The following SYNE3 variants were observed in gnomAD, a reference collection of about 807,000 sequenced individuals.
SYNE3 encodes nesprin-3.
Under a neutral mutation model 111.2 loss-of-function variants are expected in SYNE3, and 100 were observed. The observed-to-expected ratio is 0.90, with a 90% CI of 0.77 to 1.06. SYNE3 has a LOEUF of 1.06. Ranked by LOEUF, SYNE3 falls within the 50% of genes least tolerant of loss-of-function variation. The probability of loss-of-function intolerance (pLI) is 0.00; values close to 1 mark genes in which losing one functional copy is unlikely to be tolerated. For synonymous variants in SYNE3, 547 were observed against 533.9 expected (o/e 1.02, Z -0.34); for missense variants, 1,160 against 1,240.3 (o/e 0.94, Z 0.97).
chr14:95,510,313 G>A (rs1278274304), intron 1 of SYNE3, among the ~76,000 whole-genome samples: 1 of 152,114 alleles, frequency 6.6e-6, no homozygotes, highest in Non-Finnish European at 1.5e-5. Context: ...TGAGACCTGG[G>A]CCCAGGTCTC....
chr14:95,475,485 C>T (rs913736116), intron 2 of SYNE3, among the ~76,000 whole-genome samples, 193 bp downstream of exon 2: 2 of 152,352 alleles, frequency 1.3e-5, no homozygotes, highest in East Asian at 3.9e-4. Context: ...AGCAAAGTCT[C>T]GGACTTCACC....
In SYNE3 at chr14:95,423,977, G is replaced by GATGGGGATTTGATGGGA. The variant is rs1566955215; in HGVS notation, c.2728-5952_2728-5951insTCCCATCAAATCCCCAT. ...TTGATGGGGATGGGGATTTGATGGG[G>GATGGGGATTTGATGGGA]ATGGGGATTTGATGGGCATGGGAGG... On this transcript the variant is annotated intron_variant, in intron 17 of 17. Coordinates refer to ENST00000682763, the MANE Select transcript of SYNE3 (RefSeq NM_152592.6). Among the ~76,000 whole-genome samples, 612 of 120,544 alleles carry GATGGGGATTTGATGGGA rather than the reference G, an allele frequency of 5.1e-3. 39 individuals carry two copies. The highest frequency in any genetic ancestry group is 0.01 in the African/African-American group (309 of 29,834). The allele number at this position is 120,544 out of a possible 152,430, so 79.1% of individuals were successfully genotyped here.
intron 1 of SYNE3, among the ~76,000 whole-genome samples, chr14:95,510,118 G>A (rs1367893365): frequency 6.6e-6 from 1 of 152,170 alleles, no homozygotes; most frequent in East Asian, 1.9e-4. Flanking sequence ...GCATGTACAT[G>A]AGCGTTTGTT....
chr14:95,509,078 G>A (rs179157), intron 1 of SYNE3, among the ~76,000 whole-genome samples: 49,815 of 152,134 alleles, frequency 0.33, 8,390 homozygotes, highest in Admixed American at 0.41. Flanking sequence ...AGCCCTCAAG[G>A]CGGGCACAGG....
Position 95,436,913 on chromosome 14 carries a change from C to T in SYNE3, c.2445G>A (p.Gln815=). 15 of 1,614,228 alleles carry T rather than the reference C, an allele frequency of 9.3e-6. No homozygotes were observed. Among genetic ancestry groups the T allele is most frequent in the Non-Finnish European group, 9.3e-6 (11 of 1,180,036 alleles). The change falls in exon 15 of 18, where the codon CAG becomes CAA. Residue 815 remains glutamine, a synonymous_variant. Coordinates refer to ENST00000682763, the MANE Select transcript of SYNE3 (RefSeq NM_152592.6). ...GCTTGGAGTTTTCCACCTGCAACCA[C>T]TGCCCAAAGTTCCTCAGGAGCTGGG... The part of the protein sequence containing the change: ...DFSQLLRNFG[Q]WLQVENSKLV...
chr14:95,464,624 AC>A (rs1295941350), intron 4 of SYNE3, among the ~76,000 whole-genome samples: 2 of 151,724 alleles, frequency 1.3e-5, no homozygotes, highest in Non-Finnish European at 3.0e-5. Context: ...TGATCTGGGA[AC>A]CCCCAAGCCA....
chr14:95,486,074 C>T (rs942089947), intron 1 of SYNE3, among the ~76,000 whole-genome samples: 6 of 152,108 alleles, frequency 3.9e-5, no homozygotes, highest in East Asian at 3.9e-4. Context: ...CCTGGGAAAG[C>T]GGCCCTTCCC....
Position 95,418,019 on chromosome 14 carries a change from CGCCGA to C in SYNE3, c.2730_2734del (p.Arg911ValfsTer85), listed in dbSNP as rs1566952350. The stretch of plus-strand genomic sequence containing the variant: ...GAAGAGGGAGCCCAGTCCTCGCCAC[CGCCGA>C]GTCTGCGGAACCAACACAGCACAGG... On this transcript the variant is annotated frameshift_variant and splice_region_variant, in exon 18 of 18. Transcript: ENST00000682763. LOFTEE classifies it low-confidence loss of function (END_TRUNC). 6.2e-7 allele frequency: 1 copy of C among 1,609,328 alleles called. No individual in the cohort carries two copies.
Position 95,415,612 on chromosome 14 carries a change from G to T in SYNE3, c.*2214C>A, listed in dbSNP as rs893734068. 8 of 151,870 alleles carry T rather than the reference G, an allele frequency of 5.3e-5. No individual in the cohort carries two copies. The highest frequency in any genetic ancestry group is 1.0e-4 in the Non-Finnish European group (7 of 67,990). 9.4% of individuals were successfully genotyped at this position (151,870 alleles called of 1,614,324 possible). ...AGGGAAGGAACTTGATGGAAGGATG[G>T]AGAGTCTACAGGGCTTGTTTTCCAA... On this transcript the variant is annotated 3_prime_UTR_variant, in exon 18 of 18. Coordinates refer to ENST00000682763, the MANE Select transcript of SYNE3 (RefSeq NM_152592.6).
intron 6 of SYNE3, among the ~76,000 whole-genome samples, chr14:95,453,488 CAGA>C (rs1204439766): frequency 6.6e-6 from 1 of 152,210 alleles, no homozygotes; most frequent in Non-Finnish European, 1.5e-5. Flanking sequence ...ACTATGTAGG[CAGA>C]AGGACACAGA....
At position 95,416,905 on chromosome 14, in the gene SYNE3, C is replaced by G. The variant is rs1903598648; in HGVS notation, c.*921G>C. 1 of 152,244 alleles carries G rather than the reference C, an allele frequency of 6.6e-6. No individual in the cohort carries two copies. Among genetic ancestry groups the G allele is most frequent in the Non-Finnish European group, 1.5e-5 (1 of 68,060 alleles). The allele number at this position is 152,244 out of a possible 1,614,324, so 9.4% of individuals were successfully genotyped here. On this transcript the variant is annotated 3_prime_UTR_variant, in exon 18 of 18. Coordinates refer to ENST00000682763, the MANE Select transcript of SYNE3 (RefSeq NM_152592.6). ...GAAACACATCTTTCCTGGGCACTGC[C>G]AGTGGGTGCTGCCCACCGAGTGTGC...
chr14:95,418,195 A>G (rs2139332594), intron 17 of SYNE3, among the ~76,000 whole-genome samples, 169 bp from the exon 18 acceptor site: 1 of 152,350 alleles, frequency 6.6e-6, no homozygotes, highest in African/African-American at 2.4e-5. Flanking sequence ...AAGTTTTAAC[A>G]GAAACAGGGT....
Position 95,455,807 on chromosome 14 carries a change from G to A in SYNE3, c.790-83C>T, listed in dbSNP as rs1887399671. 2.2e-6 allele frequency: 3 copies of A among 1,391,630 alleles called. No homozygotes were observed. The South Asian group carries it at 3.8e-5, about 18-fold the overall frequency. 86.2% of individuals were successfully genotyped at this position (1,391,630 alleles called of 1,614,324 possible). On this transcript the variant is annotated intron_variant, in intron 5 of 17. Coordinates refer to ENST00000682763, the MANE Select transcript of SYNE3 (RefSeq NM_152592.6). ...CATTTTCCAGAGCAGACCTGGGACTGCCCTGCAAAACACTGATTCCTGGAG... is the reference window on the plus strand; with the variant it reads ...CATTTTCCAGAGCAGACCTGGGACTACCCTGCAAAACACTGATTCCTGGAG...
intron 1 of SYNE3, among the ~76,000 whole-genome samples, chr14:95,507,990 A>T (rs1309418841): frequency 6.6e-6 from 1 of 152,214 alleles, no homozygotes; most frequent in Non-Finnish European, 1.5e-5. Context: ...TGGCAGTGTG[A>T]GAGCCACTGG....
intron 17 of SYNE3, among the ~76,000 whole-genome samples, chr14:95,418,814 A>T (rs902942769): frequency 6.6e-6 from 1 of 152,070 alleles, no homozygotes; most frequent in Admixed American, 6.6e-5. Flanking sequence ...CATGTTGGCC[A>T]TGCTGGTCTT....
At chr14:95,478,576 C>A (rs1022406542) in intron 1 of SYNE3, among the ~76,000 whole-genome samples, 1 of 152,212 alleles carries the variant, frequency 6.6e-6, no homozygotes, top group South Asian at 2.1e-4. Context: ...GGTAAGCCAG[C>A]CTCCCACAGC....
intron 14 of SYNE3, 44 bp downstream of exon 14, chr14:95,438,989 T>C (rs773168780): frequency 6.2e-6 from 10 of 1,609,446 alleles, no homozygotes; most frequent in Admixed American, 1.7e-5. Flanking sequence ...CCTCTTGACC[T>C]GGGGCCTGGC....
intron 1 of SYNE3, among the ~76,000 whole-genome samples, chr14:95,494,982 G>C (rs1167718517): frequency 6.6e-6 from 1 of 152,068 alleles, no homozygotes; most frequent in East Asian, 1.9e-4. Flanking sequence ...CGTGGTGGCA[G>C]GCACCTGTAA....
intron 7 of SYNE3, chr14:95,451,572 T>C (rs1887081929): frequency 6.6e-6 from 1 of 152,096 alleles, no homozygotes; most frequent in Non-Finnish European, 1.5e-5. Flanking sequence ...GTTTTATAGA[T>C]GTAGGCCTGA....
Sources: gnomAD v4.1 joint callset for allele counts (sites outside exome capture counted in the v4.1 genomes callset) on GRCh38, gnomAD v4.1.1 for gene constraint, MANE v1.5 for transcripts, NCBI Gene and HGNC (gene_info 2026-07-23, HGNC 2026-07-21) for gene names.